The following AKAP6 variants were observed in gnomAD, a reference collection of about 807,000 sequenced individuals.
AKAP6 encodes A-kinase anchor protein 6.
A neutral mutation model predicts 188.5 loss-of-function variants in AKAP6; 58 were observed. The observed-to-expected ratio is 0.31, with a 90% CI of 0.25 to 0.38. AKAP6 has a LOEUF of 0.38. Ranked by LOEUF, AKAP6 falls within the 10% of genes least tolerant of loss-of-function variation. The pLI is 1.00. For missense variants in AKAP6, 2,710 were observed against 2,740.0 expected (o/e 0.99, Z 0.24); for synonymous variants, 989 against 998.6 (o/e 0.99, Z 0.18).
intron 9 of AKAP6, among the ~76,000 whole-genome samples, chr14:32,705,513 T>A (rs768586628): frequency 2.0e-5 from 3 of 152,142 alleles, no homozygotes; most frequent in African/African-American, 4.8e-5. Flanking sequence ...AAGAAACTTA[T>A]CAAATAGTAA....
chr14:32,656,485 C>G (rs1429411066), intron 7 of AKAP6, among the ~76,000 whole-genome samples: 1 of 152,120 alleles, frequency 6.6e-6, no homozygotes, highest in Non-Finnish European at 1.5e-5. Flanking sequence ...GAGTGCCAGC[C>G]AAAACTGACT....
At chr14:32,345,853 T>C (rs1016362773) in intron 1 of AKAP6, among the ~76,000 whole-genome samples, 3 of 152,160 alleles carry the variant, frequency 2.0e-5, no homozygotes, top group Non-Finnish European at 4.4e-5. Context: ...GAGTATATTG[T>C]ATAAGAGGGA....
intron 1 of AKAP6, among the ~76,000 whole-genome samples, chr14:32,368,695 A>T (rs1887912367): frequency 6.6e-6 from 1 of 152,140 alleles, no homozygotes; most frequent in Non-Finnish European, 1.5e-5. Context: ...GAAGTTGGAT[A>T]GGTAGGCAGT....
rs747857021 is a variant in AKAP6, at chr14:32,822,479, G to A, written c.4666G>A (p.Ala1556Thr). The stretch of plus-strand genomic sequence containing the variant: ...AAAGACATTCACTGGCATGCAGAAT[G>A]CCAAACAGCTCTCCCTTTTATCTCA... ...IEKTFTGMQNAKQLSLLSHSS... is the reference protein window; with the variant it reads ...IEKTFTGMQNTKQLSLLSHSS... Residue 1556 changes from alanine (A) to threonine (T), a missense_variant, in exon 13 of 14, where the codon GCC (alanine) becomes ACC (threonine). This residue lies in a region of AKAP6 where 2,473 missense variants were observed against 2,426.1 expected (regional missense o/e 1.02). Coordinates refer to ENST00000280979, the MANE Select transcript of AKAP6 (RefSeq NM_004274.5). 3.1e-6 allele frequency: 5 copies of A among 1,614,018 alleles called. No homozygotes were observed. The South Asian group carries it at 3.3e-5, about 11-fold the overall frequency.
chr14:32,719,188 A>G (rs1046285827), intron 9 of AKAP6, among the ~76,000 whole-genome samples: 8 of 152,174 alleles, frequency 5.3e-5, no homozygotes, highest in African/African-American at 1.9e-4. Context: ...ATGTGAATAC[A>G]TAAAGGTATA....
At chr14:32,366,198 A>G (rs556849036) in intron 1 of AKAP6, among the ~76,000 whole-genome samples, 11 of 152,214 alleles carry the variant, frequency 7.2e-5, no homozygotes, top group African/African-American at 2.6e-4. Context: ...CTCAGGCACC[A>G]TGCCATAATT....
chr14:32,754,098 A>G (rs2032242778), intron 11 of AKAP6, among the ~76,000 whole-genome samples: 1 of 152,096 alleles, frequency 6.6e-6, no homozygotes, highest in Non-Finnish European at 1.5e-5. Flanking sequence ...TATTGAAAGC[A>G]GGGTATTGAA....
intron 2 of AKAP6, among the ~76,000 whole-genome samples, chr14:32,527,766 T>A (rs1363789284): frequency 6.6e-6 from 1 of 152,226 alleles, no homozygotes; most frequent in African/African-American, 2.4e-5. Context: ...GTGAGGCATC[T>A]GTTAAGGTCT....
chr14:32,786,296 A>ATGTTT lies in AKAP6; in HGVS notation c.3588+12404_3588+12405insGTTTT. ...AGCCCTCTGAAAGACCTAAACCTTTATCTTTTTTTTTTTTTTTTTTTTTTT... is the reference window on the plus strand; with the variant it reads ...AGCCCTCTGAAAGACCTAAACCTTTATGTTTTCTTTTTTTTTTTTTTTTTTTTTTT... On this transcript the variant is annotated intron_variant, in intron 12 of 13. Transcript: ENST00000280979. Among the ~76,000 whole-genome samples, 382 of 93,614 alleles carry ATGTTT rather than the reference A, an allele frequency of 4.1e-3. 47 individuals carry two copies. The highest frequency in any genetic ancestry group is 8.3e-3 in the African/African-American group (202 of 24,356). The allele number at this position is 93,614 out of a possible 152,430, so 61.4% of individuals were successfully genotyped here. A position where few individuals can be genotyped will look rare whatever the true frequency, so the allele number is the denominator to read the frequency against.
chr14:32,773,904 C>T lies in AKAP6; in HGVS notation c.3588+11C>T, dbSNP rs781306358. The T allele has an allele frequency of 1.2e-6, 2 of 1,610,666 alleles. No individual in the cohort carries two copies. Among genetic ancestry groups the T allele is most frequent in the South Asian group, 1.1e-5 (1 of 90,954 alleles). On this transcript the variant is annotated intron_variant, in intron 12 of 13. Coordinates refer to ENST00000280979, the MANE Select transcript of AKAP6 (RefSeq NM_004274.5). ...ATGGGAAAGGAATCTGTGAGTGATGCTTTTTTTAAGCATAATTGTCTGTCA... is the reference window on the plus strand; with the variant it reads ...ATGGGAAAGGAATCTGTGAGTGATGTTTTTTTTAAGCATAATTGTCTGTCA...
chr14:32,662,179 A>G (rs1888731553), intron 7 of AKAP6, among the ~76,000 whole-genome samples: 3 of 152,176 alleles, frequency 2.0e-5, no homozygotes, highest in Admixed American at 2.0e-4. Context: ...TAATTATGTA[A>G]AATATAAAAT....
intron 1 of AKAP6, among the ~76,000 whole-genome samples, chr14:32,356,252 G>C (rs1034114414): frequency 3.9e-5 from 6 of 152,148 alleles, no homozygotes; most frequent in African/African-American, 1.4e-4. Context: ...TCTAGGTGAA[G>C]AATCTTTGCC....
Position 32,788,779 on chromosome 14 carries a change from A to G in AKAP6, c.3588+14886A>G, listed in dbSNP as rs549392857. On this transcript the variant is annotated intron_variant, in intron 12 of 13. Coordinates refer to ENST00000280979, the MANE Select transcript of AKAP6 (RefSeq NM_004274.5). ...CAAACAGAGACCCAGGAGTTTTACA[A>G]TTCTGGCCCTGGCATCCCTGGCAAG... Among the ~76,000 whole-genome samples the G allele has an allele frequency of 7.2e-5, 11 of 152,266 alleles. No individual in the cohort carries two copies. The South Asian group carries it at 1.0e-3, about 14-fold the overall frequency.
intron 4 of AKAP6, among the ~76,000 whole-genome samples, chr14:32,565,250 A>G (rs1246666378): frequency 6.6e-6 from 1 of 152,240 alleles, no homozygotes; most frequent in Non-Finnish European, 1.5e-5. Context: ...AACCAAATTT[A>G]TGATACATAA....
At chr14:32,671,003 C>A (rs1889166112) in intron 7 of AKAP6, among the ~76,000 whole-genome samples, 1 of 152,064 alleles carries the variant, frequency 6.6e-6, no homozygotes, top group African/African-American at 2.4e-5. Flanking sequence ...AACACATAAA[C>A]AAAACCTCCT....
intron 2 of AKAP6, among the ~76,000 whole-genome samples, chr14:32,507,838 A>G (rs1880958908): frequency 6.6e-6 from 1 of 152,242 alleles, no homozygotes; most frequent in African/African-American, 2.4e-5. Flanking sequence ...GGCAAGAACC[A>G]GAATGAGTCA....
chr14:32,638,776 G>A (rs1387698572), intron 7 of AKAP6, among the ~76,000 whole-genome samples: 1 of 151,816 alleles, frequency 6.6e-6, no homozygotes, highest in Non-Finnish European at 1.5e-5. Context: ...ACAGAACCTG[G>A]TTCCTACTCC....
intron 12 of AKAP6, among the ~76,000 whole-genome samples, chr14:32,816,289 C>T (rs1349139234): frequency 2.0e-5 from 3 of 151,918 alleles, no homozygotes; most frequent in East Asian, 1.9e-4. Flanking sequence ...AACTCGTGGC[C>T]TCAAGCAATC....
chr14:32,332,708 G>A (rs1017079973), intron 1 of AKAP6, among the ~76,000 whole-genome samples: 3 of 152,046 alleles, frequency 2.0e-5, no homozygotes, highest in African/African-American at 4.8e-5. Flanking sequence ...TCTCAACCTG[G>A]TGTTGAGAAC....
Sources: gnomAD v4.1 joint callset for allele counts (sites outside exome capture counted in the v4.1 genomes callset) on GRCh38, gnomAD v4.1.1 for gene constraint, gnomAD v4.1.1 regional missense constraint, MANE v1.5 for transcripts, NCBI Gene and HGNC (gene_info 2026-07-23, HGNC 2026-07-21) for gene names.